Variants in KPTN observed in about 807,000 individuals in gnomAD.
KPTN encodes the protein kaptin, actin binding protein.
A neutral mutation model predicts 52.6 loss-of-function variants in KPTN; 36 were observed. That is an observed-to-expected ratio of 0.68 (90% CI 0.52 to 0.90). KPTN has a LOEUF of 0.90. KPTN is among the 40% of genes least tolerant of loss of function. The probability of loss-of-function intolerance (pLI) is 0.00; values close to 1 mark genes in which losing one functional copy is unlikely to be tolerated. For missense variants in KPTN, 529 were observed against 576.2 expected, an observed-to-expected ratio of 0.92 and a Z score of 0.84; for synonymous variants, 271 against 248.4, an observed-to-expected ratio of 1.09 and a Z score of -0.85.
rs183943109 is a variant in KPTN at position 47,482,263 on chromosome 19, C to T, written c.449+898G>A. On this transcript the variant is annotated intron_variant, in intron 4 of 11. Transcript: ENST00000338134. ...CAGCACTTTGGGAGGCCAAGGCGGG[C>T]GGATCACCTGAGGTCAGGAGTTCGA... is the stretch of plus-strand genomic sequence containing the variant. 4.3e-3 allele frequency among the ~76,000 whole-genome samples: 660 copies of T among 152,148 alleles called. 7 individuals carry two copies. The highest frequency in any genetic ancestry group is 0.024 in the South Asian group (116 of 4,818).
intron 1 of KPTN, 119 bp downstream of exon 1, chr19:47,483,816 C>T: frequency 1.4e-6 from 2 of 1,385,936 alleles, no homozygotes; most frequent in Middle Eastern, 1.8e-4. Context: ...CCCAGTGACC[C>T]CCTTAAAACC....
In KPTN at chr19:47,484,164, C is replaced by G. The variant is rs765690072; in HGVS notation, c.-4G>C. The G allele has an allele frequency of 1.3e-6, 2 of 1,595,174 alleles. No individual in the cohort carries two copies. The highest frequency in any genetic ancestry group is 2.2e-5 in the East Asian group (1 of 44,738). The stretch of plus-strand genomic sequence containing the variant: ...CCACGGCCGCCTCCCCCATCATGCC[C>G]CTCAGTTAAGCACCCTCTCCGCAGC... On this transcript the variant is annotated 5_prime_UTR_variant, in exon 1 of 12. Transcript: ENST00000338134.
chr19:47,484,396 G>A (rs1419899579), upstream of KPTN: 2 of 583,732 alleles, frequency 3.4e-6, no homozygotes, highest in African/African-American at 3.8e-5. Flanking sequence ...CTGGACCAAG[G>A]GGCTGCCATA....
Position 47,483,505 on chromosome 19 carries a change from G to C in KPTN, c.306C>G (p.Ile102Met). Residue 102 changes from isoleucine (I) to methionine (M), a missense_variant, in exon 2 of 12, where the codon ATC becomes ATG. By Grantham distance (10) the Ile-to-Met change is conservative (BLOSUM62 1). Transcript: ENST00000338134. ...KRGLVVGITF[I>M]KDSGDKGSPF... The stretch of plus-strand genomic sequence containing the variant: ...AGGTGGAGGGGGCTCTAGGTACCTT[G>C]ATGAACGTGATCCCCACAACCAGAC... 6.3e-7 allele frequency: 1 copy of C among 1,593,752 alleles called. No homozygotes were observed. Among genetic ancestry groups the C allele is most frequent in the Non-Finnish European group, 8.6e-7 (1 of 1,169,520 alleles).
chr19:47,483,654 T>A, intron 1 of KPTN, 70 bp from the exon 2 acceptor site: 1 of 1,190,316 alleles, frequency 8.4e-7, no homozygotes, highest in Non-Finnish European at 1.2e-6. Flanking sequence ...CATGGTGAGC[T>A]CTGGCTACCG....
rs1238337601 is a variant in KPTN at position 47,480,281 on chromosome 19, C to T, written c.709+17G>A. The T allele has an allele frequency of 6.6e-7, 1 of 1,525,246 alleles. No homozygotes were observed. The highest frequency in any genetic ancestry group is 1.2e-5 in the South Asian group (1 of 83,436). The allele number at this position is 1,525,246 out of a possible 1,614,324, so 94.5% of individuals were successfully genotyped here. A position where few individuals can be genotyped will look rare whatever the true frequency, so the allele number is the denominator to read the frequency against. ...CCCTCAACCCCACCCCTTACCCCGC[C>T]TCACCGCGGCCCTCACCTCGACTCC... On this transcript the variant is annotated intron_variant, in intron 7 of 11. Coordinates refer to ENST00000338134, the MANE Select transcript of KPTN (RefSeq NM_007059.4).
chr19:47,484,092 C>T lies in KPTN; in HGVS notation c.69G>A (p.Ser23=). Reference sequence around the variant, plus strand: ...CCAGCCCGTACACATTGCTCTGCGACGAGAAGCGCGTGAAGCTGTCCTCGC... The same window carrying T: ...CCAGCCCGTACACATTGCTCTGCGATGAGAAGCGCGTGAAGCTGTCCTCGC... ...PLREDSFTRF[S]SQSNVYGLAG... Residue 23 remains serine, a synonymous_variant, in exon 1 of 12, where the codon TCG becomes TCA. Coordinates refer to ENST00000338134, the MANE Select transcript of KPTN (RefSeq NM_007059.4). 2.5e-6 allele frequency: 4 copies of T among 1,607,222 alleles called. No homozygotes were observed. The highest frequency in any genetic ancestry group is 2.5e-6 in the Non-Finnish European group (3 of 1,179,766).
Position 47,476,812 on chromosome 19 carries a change from G to C in KPTN, c.990C>G (p.Thr330=). 6.3e-7 allele frequency: 1 copy of C among 1,588,842 alleles called. No individual in the cohort carries two copies. The highest frequency in any genetic ancestry group is 8.6e-7 in the Non-Finnish European group (1 of 1,167,504). ...AACTGTCAGGTCCCACCTGTCCATA[G>C]GTGGCCACCAGGACTTCTGGCCGCC... ...LDGRPEVLVA[T]YGQELLCYKY... The change falls in exon 10 of 12, where the codon ACC becomes ACG. Residue 330 remains threonine (T), a synonymous_variant. Coordinates refer to ENST00000338134, the MANE Select transcript of KPTN (RefSeq NM_007059.4).
intron 11 of KPTN, 38 bp from the exon 12 acceptor site, chr19:47,475,582 G>A: frequency 6.2e-7 from 1 of 1,605,004 alleles, no homozygotes; most frequent in South Asian, 1.1e-5. Context: ...TGGAGCTGAG[G>A]AAGAGCTGTG....
Position 47,483,539 on chromosome 19 carries a change from G to C in KPTN, c.272C>G (p.Pro91Arg). The C allele has an allele frequency of 5.1e-6, 8 of 1,579,558 alleles. No individual in the cohort carries two copies. Among genetic ancestry groups the C allele is most frequent in the Non-Finnish European group, 6.0e-6 (7 of 1,162,130 alleles). Reference sequence around the variant, plus strand: ...GATCCCCACAACCAGACCCCGCTTGGGGGGTGACTTGTTGAAAGTGTCGAT... The same window carrying C: ...GATCCCCACAACCAGACCCCGCTTGCGGGGTGACTTGTTGAAAGTGTCGAT... ...VSIDTFNKSP[P>R]KRGLVVGITF... The change falls in exon 2 of 12, where the codon CCC (proline) becomes CGC (arginine). Residue 91 changes from proline (P) to arginine (R), a missense_variant. Coordinates refer to ENST00000338134, the MANE Select transcript of KPTN (RefSeq NM_007059.4).
intron 7 of KPTN, 40 bp from the exon 8 acceptor site, chr19:47,479,980 CG>C (rs767125544): frequency 2.6e-6 from 4 of 1,521,908 alleles, no homozygotes; most frequent in Non-Finnish European, 3.6e-6. Flanking sequence ...AACCCCACCC[CG>C]GTCCCGCCCG....
In KPTN at chr19:47,483,489, G is replaced by A; in HGVS notation, c.309+13C>T. On this transcript the variant is annotated intron_variant, in intron 2 of 11. Coordinates refer to ENST00000338134, the MANE Select transcript of KPTN (RefSeq NM_007059.4). The stretch of plus-strand genomic sequence containing the variant: ...GGAGGAGGGCGAAGGGAGGTGGAGG[G>A]GGCTCTAGGTACCTTGATGAACGTG... The A allele has an allele frequency of 6.2e-7, 1 of 1,600,222 alleles. No homozygotes were observed. The highest frequency in any genetic ancestry group is 8.5e-7 in the Non-Finnish European group (1 of 1,172,072).
Position 47,480,673 on chromosome 19 carries a change from G to A in KPTN, c.599+87C>T, listed in dbSNP as rs1486751562. On this transcript the variant is annotated intron_variant, in intron 6 of 11. Coordinates refer to ENST00000338134, the MANE Select transcript of KPTN (RefSeq NM_007059.4). ...ACTGATTTTTCTGAGCTCCTCCCCG[G>A]TGACCAATTTCTCTAAGGTCTCACC... The A allele has an allele frequency of 8.0e-6, 10 of 1,249,216 alleles. No individual in the cohort carries two copies. The South Asian group carries it at 1.2e-4, about 15-fold the overall frequency. 77.4% of individuals were successfully genotyped at this position (1,249,216 alleles called of 1,614,324 possible). A position where few individuals can be genotyped will look rare whatever the true frequency, so the allele number is the denominator to read the frequency against.
At chr19:47,479,550 G>A (rs1371295391) in intron 8 of KPTN, among the ~76,000 whole-genome samples, 1 of 152,124 alleles carries the variant, frequency 6.6e-6, no homozygotes, top group Non-Finnish European at 1.5e-5. Flanking sequence ...GAGTACAGAG[G>A]GAGAGGTGGA....
intron 8 of KPTN, among the ~76,000 whole-genome samples, chr19:47,479,650 T>C (rs749199574): frequency 1.3e-5 from 2 of 152,000 alleles, no homozygotes; most frequent in Non-Finnish European, 1.5e-5. Flanking sequence ...TTAGGCCCCA[T>C]GTGCCAGTCC....
intron 11 of KPTN, 64 bp from the exon 12 acceptor site, chr19:47,475,608 C>T (rs992029350): frequency 4.0e-5 from 64 of 1,583,446 alleles, no homozygotes; most frequent in African/African-American, 2.7e-4. Flanking sequence ...ACAGCGGGAC[C>T]GTCTGGAGTG....
At chr19:47,475,741 G>T (rs1230867718) in intron 11 of KPTN, among the ~76,000 whole-genome samples, 197 bp from the exon 12 acceptor site, 5 of 152,122 alleles carry the variant, frequency 3.3e-5, no homozygotes, top group African/African-American at 1.2e-4. Flanking sequence ...CGAATTTCTA[G>T]TGGGAGGGAC....
At chr19:47,476,174 G>C (rs141242301) in intron 11 of KPTN, 1 of 159,508 alleles carries the variant, frequency 6.3e-6, no homozygotes, top group Non-Finnish European at 1.3e-5. Flanking sequence ...TGGGCGTGGT[G>C]GCGTGCGGCT....
rs1207510095 is a variant in KPTN, at chr19:47,484,106, A to T, written c.55T>A (p.Phe19Ile). 5.6e-6 allele frequency: 9 copies of T among 1,604,620 alleles called. No individual in the cohort carries two copies. The highest frequency in any genetic ancestry group is 7.6e-6 in the Non-Finnish European group (9 of 1,179,666). Residue 19 changes from phenylalanine (F) to isoleucine (I), a missense_variant, in exon 1 of 12, where the codon TTC (phenylalanine) becomes ATC (isoleucine). Phe to Ile is a conservative substitution (Grantham distance 21). Coordinates refer to ENST00000338134, the MANE Select transcript of KPTN (RefSeq NM_007059.4). ...AGPCPLREDSFTRFSSQSNVY... is the reference protein window; with the variant it reads ...AGPCPLREDSITRFSSQSNVY... ...TTGCTCTGCGACGAGAAGCGCGTGA[A>T]GCTGTCCTCGCGCAACGGACAAGGC...
Sources: allele counts gnomAD v4.1 joint callset (sites outside exome capture counted in the v4.1 genomes callset), GRCh38; gene constraint gnomAD v4.1.1; transcripts MANE v1.5; gene names NCBI Gene and HGNC (gene_info 2026-07-23, HGNC 2026-07-21).